The following NBEA variants were observed in gnomAD, a reference collection of about 807,000 sequenced individuals.
The protein encoded by NBEA is neurobeachin.
In NBEA, 44 loss-of-function variants were observed where a neutral mutation model predicts 343.4. The ratio of observed to expected loss-of-function variants is 0.13; its 90% CI spans 0.10 to 0.16. The LOEUF is 0.16. Ranked by LOEUF, NBEA falls within the 10% of genes least tolerant of loss-of-function variation. NBEA has a pLI of 1.00. For missense variants in NBEA, 2,555 were observed against 3,631.3 expected (o/e 0.70, Z 7.62); for synonymous variants, 1,175 against 1,238.7 (o/e 0.95, Z 1.08).
chr13:35,165,221 G>A (rs538030614), intron 24 of NBEA: 38 of 460,586 alleles, frequency 8.3e-5, no homozygotes, highest in Non-Finnish European at 1.5e-4. Context: ...ATCTCTAAGT[G>A]TATTTCATCA....
At chr13:35,502,999 G>T (rs1279705506) in intron 41 of NBEA, among the ~76,000 whole-genome samples, 2 of 152,048 alleles carry the variant, frequency 1.3e-5, no homozygotes, top group African/African-American at 2.4e-5. Context: ...ATTAAGTGAT[G>T]ATTACTTTTT....
chr13:35,324,444 C>T (rs1240973395), intron 36 of NBEA, among the ~76,000 whole-genome samples: 4 of 152,154 alleles, frequency 2.6e-5, no homozygotes, highest in African/African-American at 7.2e-5. Flanking sequence ...TATAAAGATC[C>T]AGTCCCAGCC....
intron 40 of NBEA, among the ~76,000 whole-genome samples, chr13:35,461,770 T>G (rs927331934): frequency 1.3e-5 from 2 of 152,208 alleles, no homozygotes; most frequent in Non-Finnish European, 2.9e-5. Context: ...ACAGTTAGAA[T>G]AGTGCTATAC....
At chr13:35,297,209 A>C (rs922847482) in intron 35 of NBEA, among the ~76,000 whole-genome samples, 1 of 152,034 alleles carries the variant, frequency 6.6e-6, no homozygotes. Flanking sequence ...CCTGTACCTC[A>C]TATCTTCCCA....
chr13:34,962,671 A>G (rs1362066613), intron 1 of NBEA, among the ~76,000 whole-genome samples: 2 of 152,096 alleles, frequency 1.3e-5, no homozygotes, highest in Non-Finnish European at 2.9e-5. Context: ...TCTTAATGAA[A>G]TAAACAACTG....
chr13:35,395,288 G>T (rs1343105632), intron 38 of NBEA, among the ~76,000 whole-genome samples: 1 of 151,944 alleles, frequency 6.6e-6, no homozygotes, highest in East Asian at 1.9e-4. Flanking sequence ...GATCACAGGG[G>T]TGGATTTCCC....
At position 35,094,008 on chromosome 13, in the gene NBEA, AT is replaced by A. The variant is rs577643787; in HGVS notation, c.1572-4282del. 6.6e-5 allele frequency among the ~76,000 whole-genome samples: 10 copies of A among 151,996 alleles called. No homozygotes were observed. In the South Asian group the frequency reaches 1.9e-3, roughly 28 times the overall value. ...ATAGTAATATAAGAGATTTATAATG[AT>A]TTTTTTACATATGAAAATTTTAACA... On this transcript the variant is annotated intron_variant, in intron 10 of 58. Transcript: ENST00000379939.
At chr13:34,992,252 A>G (rs2060785659) in intron 1 of NBEA, among the ~76,000 whole-genome samples, 1 of 134,702 alleles carries the variant, frequency 7.4e-6, no homozygotes, top group African/African-American at 2.9e-5. Flanking sequence ...ATATATATAT[A>G]TATATATATA....
chr13:35,296,012 A>G (rs1400415036), intron 35 of NBEA, among the ~76,000 whole-genome samples: 1 of 152,196 alleles, frequency 6.6e-6, no homozygotes, highest in Non-Finnish European at 1.5e-5. Flanking sequence ...TAACACTTAT[A>G]TATAACAACT....
intron 38 of NBEA, among the ~76,000 whole-genome samples, chr13:35,379,484 C>A (rs2041904546): frequency 6.6e-6 from 1 of 152,026 alleles, no homozygotes; most frequent in Non-Finnish European, 1.5e-5. Flanking sequence ...TGCAAATATC[C>A]TACTCTGGGT....
intron 1 of NBEA, among the ~76,000 whole-genome samples, chr13:35,013,341 G>A (rs902989768): frequency 6.6e-6 from 1 of 151,986 alleles, no homozygotes; most frequent in African/African-American, 2.4e-5. Flanking sequence ...TACAAAATTT[G>A]TGGAATAGGA....
At chr13:35,077,667 C>T (rs1018483161) in intron 10 of NBEA, among the ~76,000 whole-genome samples, 2 of 152,042 alleles carry the variant, frequency 1.3e-5, no homozygotes, top group Non-Finnish European at 2.9e-5. Context: ...TGCCCTTTTC[C>T]AGTAATTTTC....
intron 57 of NBEA, among the ~76,000 whole-genome samples, chr13:35,667,811 A>C (rs1285520918): frequency 6.6e-6 from 1 of 152,188 alleles, no homozygotes; most frequent in Admixed American, 6.5e-5. Flanking sequence ...TAAAGCTTAG[A>C]ACCTCGGGAG....
intron 38 of NBEA, among the ~76,000 whole-genome samples, chr13:35,427,134 G>A (rs527677779): frequency 3.1e-4 from 47 of 152,218 alleles, no homozygotes; most frequent in African/African-American, 1.0e-3. Flanking sequence ...CTCTCAACTC[G>A]TCAAAGTCAT....
chr13:35,220,267 C>A (rs1361785397), intron 33 of NBEA, among the ~76,000 whole-genome samples: 1 of 152,112 alleles, frequency 6.6e-6, no homozygotes, highest in Non-Finnish European at 1.5e-5. Flanking sequence ...TGGTCAACAT[C>A]TGTTTTGATT....
intron 57 of NBEA, 99 bp from the exon 58 acceptor site, chr13:35,668,269 A>G (rs2085449200): frequency 8.6e-7 from 1 of 1,162,998 alleles, no homozygotes; most frequent in East Asian, 2.5e-5. Flanking sequence ...ACTTTTCAGT[A>G]GTGACAGTTG....
chr13:34,980,964 A>G (rs908861544), intron 1 of NBEA, among the ~76,000 whole-genome samples: 2 of 152,194 alleles, frequency 1.3e-5, no homozygotes, highest in Non-Finnish European at 2.9e-5. Flanking sequence ...ACGTGTTTTT[A>G]GCATACAATT....
intron 11 of NBEA, 65 bp from the exon 12 acceptor site, chr13:35,109,225 A>C: frequency 7.1e-7 from 1 of 1,409,890 alleles, no homozygotes; most frequent in Non-Finnish European, 9.5e-7. Context: ...CCTTATGCTA[A>C]ATCAGAAATT....
chr13:35,311,217 A>G (rs1229428198), intron 36 of NBEA, among the ~76,000 whole-genome samples: 1 of 152,140 alleles, frequency 6.6e-6, no homozygotes, highest in African/African-American at 2.4e-5. Context: ...TGATGAATAA[A>G]CAGAAAAAAC....
Sources: allele counts gnomAD v4.1 joint callset (sites outside exome capture counted in the v4.1 genomes callset), GRCh38; gene constraint gnomAD v4.1.1; transcripts MANE v1.5; gene names NCBI Gene and HGNC (gene_info 2026-07-23, HGNC 2026-07-21).